The following MYLK variants were observed in gnomAD, a reference collection of about 807,000 sequenced individuals.
The protein encoded by MYLK is myosin light chain kinase, smooth muscle.
Under a neutral mutation model 203.4 loss-of-function variants are expected in MYLK, and 106 were observed. That is an observed-to-expected ratio of 0.52 (90% confidence interval 0.45 to 0.61). The LOEUF is 0.61. Among genes scored for constraint, MYLK ranks in the 20% least tolerant of loss-of-function variants. The probability of loss-of-function intolerance (pLI) is 0.00; values close to 1 mark genes in which losing one functional copy is unlikely to be tolerated. For synonymous variants in MYLK, 867 were observed against 959.5 expected, an observed-to-expected ratio of 0.90 and a Z score of 1.78; for missense variants, 2,072 against 2,442.3, an observed-to-expected ratio of 0.85 and a Z score of 3.20.
chr3:123,775,383 G>T (rs999728940), intron 4 of MYLK, among the ~76,000 whole-genome samples: 2 of 152,202 alleles, frequency 1.3e-5, no homozygotes, highest in East Asian at 1.9e-4. Flanking sequence ...GAAAGTGTGT[G>T]CATGCACATA....
intron 23 of MYLK, among the ~76,000 whole-genome samples, chr3:123,661,172 C>T (rs758175701): frequency 6.6e-6 from 1 of 152,170 alleles, no homozygotes; most frequent in South Asian, 2.1e-4. Context: ...AACTGCAGCC[C>T]GCGTAGTGGT....
At chr3:123,829,639 G>A (rs369790750) in intron 3 of MYLK, among the ~76,000 whole-genome samples, 40 of 152,152 alleles carry the variant, frequency 2.6e-4, no homozygotes, top group African/African-American at 8.7e-4. Context: ...TTGCAATGAT[G>A]GATATGCTAA....
chr3:123,833,409 G>A (rs1041008203), intron 2 of MYLK, among the ~76,000 whole-genome samples: 1 of 152,026 alleles, frequency 6.6e-6, no homozygotes, highest in Non-Finnish European at 1.5e-5. Context: ...CCTTAACCTT[G>A]ACCCCACCTC....
chr3:123,788,979 A>G (rs1362016105), intron 4 of MYLK, among the ~76,000 whole-genome samples: 2 of 152,164 alleles, frequency 1.3e-5, no homozygotes, highest in African/African-American at 4.8e-5. Flanking sequence ...CCAGGGTAGA[A>G]GGGAAGAAAT....
chr3:123,860,292 T>C (rs1248032738), intron 2 of MYLK, among the ~76,000 whole-genome samples: 3 of 152,154 alleles, frequency 2.0e-5, no homozygotes. Flanking sequence ...CCTGCAGTTC[T>C]TCCCTACACC....
chr3:123,778,644 C>T (rs571773551), intron 4 of MYLK, among the ~76,000 whole-genome samples: 6 of 152,294 alleles, frequency 3.9e-5, no homozygotes, highest in South Asian at 2.1e-4. Context: ...TCAGGCAAGA[C>T]GCAGAAGCCC....
intron 15 of MYLK, among the ~76,000 whole-genome samples, chr3:123,708,479 A>C (rs1347891205): frequency 2.6e-5 from 4 of 152,172 alleles, no homozygotes; most frequent in Non-Finnish European, 5.9e-5. Context: ...TAACCCAGAG[A>C]GGGCAGGGAC....
intron 5 of MYLK, among the ~76,000 whole-genome samples, chr3:123,750,551 CA>C (rs1162886461): frequency 6.6e-6 from 1 of 152,220 alleles, no homozygotes; most frequent in Non-Finnish European, 1.5e-5. Flanking sequence ...TCATAGAAAA[CA>C]AGGGCTAGTC....
intron 4 of MYLK, among the ~76,000 whole-genome samples, chr3:123,792,071 C>A (rs902056695): frequency 3.3e-5 from 5 of 152,316 alleles, no homozygotes; most frequent in Non-Finnish European, 7.3e-5. Flanking sequence ...TGGCTCCTGG[C>A]CAGTGCTCAG....
chr3:123,800,417 T>C (rs1301440167), intron 3 of MYLK, among the ~76,000 whole-genome samples: 1 of 152,112 alleles, frequency 6.6e-6, no homozygotes, highest in Admixed American at 6.5e-5. Context: ...GAAGAAGCCC[T>C]GTTTATGATC....
chr3:123,667,303 T>C lies in MYLK; in HGVS notation c.3653-116A>G, dbSNP rs1409848617. The C allele has an allele frequency of 2.2e-5, 22 of 1,020,448 alleles. 1 individual carries two copies. The South Asian group carries it at 2.8e-4, about 13-fold the overall frequency. 63.2% of individuals were successfully genotyped at this position (1,020,448 alleles called of 1,614,324 possible). A position where few individuals can be genotyped will look rare whatever the true frequency, so the allele number is the denominator to read the frequency against. On this transcript the variant is annotated intron_variant, in intron 20 of 33. Coordinates refer to ENST00000360304, the MANE Select transcript of MYLK (RefSeq NM_053025.4). ...CCCCTCATCCAGGGAGGACTCTTAT[T>C]TGAACATGTCTTTTCAGGCTGAGCA...
At chr3:123,619,232 A>G (rs1158114741) in intron 32 of MYLK, among the ~76,000 whole-genome samples, 2 of 152,120 alleles carry the variant, frequency 1.3e-5, no homozygotes, top group Non-Finnish European at 2.9e-5. Flanking sequence ...CTCTTTCTCC[A>G]TGCTCACACT....
chr3:123,718,238 G>C (rs1438953250), intron 13 of MYLK, among the ~76,000 whole-genome samples: 1 of 152,136 alleles, frequency 6.6e-6, no homozygotes, highest in Non-Finnish European at 1.5e-5. Context: ...GAAAAGCGAG[G>C]AATTCTAGGG....
At chr3:123,633,278 C>G (rs922967263) in intron 29 of MYLK, among the ~76,000 whole-genome samples, 2 of 151,968 alleles carry the variant, frequency 1.3e-5, no homozygotes, top group Non-Finnish European at 2.9e-5. Flanking sequence ...AGGCGCACGC[C>G]ACCATGCCCA....
chr3:123,645,849 A>C (rs188185035), intron 27 of MYLK, among the ~76,000 whole-genome samples: 1 of 152,234 alleles, frequency 6.6e-6, no homozygotes, highest in Non-Finnish European at 1.5e-5. Context: ...CAATTTGCTG[A>C]AAAAGCAAAG....
intron 2 of MYLK, among the ~76,000 whole-genome samples, chr3:123,848,139 A>C (rs2030275264): frequency 6.6e-6 from 1 of 151,854 alleles, no homozygotes; most frequent in Admixed American, 6.6e-5. Flanking sequence ...TGTCCTCCTA[A>C]TCCAAATTTT....
chr3:123,641,416 T>G (rs1463765240), intron 27 of MYLK, among the ~76,000 whole-genome samples: 1 of 152,100 alleles, frequency 6.6e-6, no homozygotes, highest in Non-Finnish European at 1.5e-5. Context: ...ATCAGTAAGC[T>G]TGCTTTTCTT....
chr3:123,732,763 T>TG (rs1213542547), intron 11 of MYLK, 133 bp downstream of exon 11: 10 of 849,304 alleles, frequency 1.2e-5, no homozygotes, highest in Non-Finnish European at 1.7e-5. Flanking sequence ...GGCATGTGAT[T>TG]GGGGGTGACA....
At chr3:123,709,133 AAT>A in intron 14 of MYLK, 1 of 323,248 alleles carries the variant, frequency 3.1e-6, no homozygotes, top group Non-Finnish European at 5.6e-6. Context: ...GTTCTCACAT[AAT>A]TTTTTTTTTT....
Sources: gnomAD v4.1 joint callset for allele counts (sites outside exome capture counted in the v4.1 genomes callset) on GRCh38, gnomAD v4.1.1 for gene constraint, MANE v1.5 for transcripts, NCBI Gene and HGNC (gene_info 2026-07-23, HGNC 2026-07-21) for gene names.